Variants in DDHD2 observed in about 807,000 individuals in gnomAD.
DDHD2 encodes triacylglycerol hydrolase DDHD2.
DDHD2 carries 62 observed loss-of-function variants against 91.2 expected under a neutral mutation model. The ratio of observed to expected loss-of-function variants is 0.68; its 90% confidence interval spans 0.55 to 0.84. DDHD2 has a LOEUF of 0.84. Among genes scored for constraint, DDHD2 ranks in the 40% least tolerant of loss-of-function variants. The probability of loss-of-function intolerance (pLI) is 0.00; values close to 1 mark genes in which losing one functional copy is unlikely to be tolerated. For missense variants in DDHD2, 740 were observed against 846.9 expected, an observed-to-expected ratio of 0.87 and a Z score of 1.57; for synonymous variants, 271 against 293.9, an observed-to-expected ratio of 0.92 and a Z score of 0.80.
chr8:38,267,756 G>A, downstream of DDHD2: 1 of 872,616 alleles, frequency 1.1e-6, no homozygotes, highest in Non-Finnish European at 1.8e-6. Context: ...AAGGGAGTAA[G>A]CGTTGAATGA....
At chr8:38,237,179 C>T (rs1804848539) in intron 3 of DDHD2, among the ~76,000 whole-genome samples, 1 of 151,810 alleles carries the variant, frequency 6.6e-6, no homozygotes, top group South Asian at 2.1e-4. Context: ...AGTTTGAGAC[C>T]AGCCTAGCCA....
At chr8:38,237,004 T>C (rs1280587263) in intron 3 of DDHD2, among the ~76,000 whole-genome samples, 1 of 152,146 alleles carries the variant, frequency 6.6e-6, no homozygotes, top group Non-Finnish European at 1.5e-5. Flanking sequence ...TGAACACTAA[T>C]TATCTAGCGT....
At chr8:38,266,493 C>T (rs901408949), downstream of DDHD2, 90 of 553,170 alleles carry the variant, frequency 1.6e-4, no homozygotes, top group Non-Finnish European at 1.8e-4. Flanking sequence ...CTCCACCACC[C>T]GGGTTCAAGC....
At position 38,254,025 on chromosome 8, in the gene DDHD2, A is replaced by C. The variant is rs553555959; in HGVS notation, c.2054+307A>C. Among the ~76,000 whole-genome samples, 4 of 151,930 alleles carry C rather than the reference A, an allele frequency of 2.6e-5. No homozygotes were observed. The South Asian group carries it at 8.3e-4, about 32-fold the overall frequency. ...CAGGAGTTTGAGACCACAGTGAGCCATGATCACACCACTGCACTCTAGCCT... is the reference window on the plus strand; with the variant it reads ...CAGGAGTTTGAGACCACAGTGAGCCCTGATCACACCACTGCACTCTAGCCT... On this transcript the variant is annotated intron_variant, in intron 16 of 17. Transcript: ENST00000397166.
chr8:38,268,626 G>A (rs1353360370), intron 1 of DDHD2: 8 of 1,439,042 alleles, frequency 5.6e-6, no homozygotes, highest in African/African-American at 1.4e-5. Flanking sequence ...AGCAGCGCCC[G>A]TGCGGCTCGG....
At chr8:38,256,641 AT>A (rs1359943530) in intron 16 of DDHD2, among the ~76,000 whole-genome samples, 24 of 152,044 alleles carry the variant, frequency 1.6e-4, no homozygotes, top group Admixed American at 1.6e-3. Context: ...TATCCTTTTT[AT>A]TGCTGAGTAG....
rs777076814 is a variant in DDHD2 at position 38,260,035 on chromosome 8, T to C, written c.2055-5T>C. The C allele has an allele frequency of 5.1e-5, 82 of 1,600,160 alleles. No homozygotes were observed. The highest frequency in any genetic ancestry group is 6.9e-5 in the Non-Finnish European group (80 of 1,167,708). On this transcript the variant is annotated splice_region_variant and splice_polypyrimidine_tract_variant and intron_variant, in intron 16 of 17. Coordinates refer to ENST00000397166, the MANE Select transcript of DDHD2 (RefSeq NM_015214.3). The stretch of plus-strand genomic sequence containing the variant: ...TTTTCTCAACATAATTTTTTCTCTT[T>C]ATAGGGAGTCTGAAGATACAGTATT...
At chr8:38,269,693 CA>C (rs1808364845) in intron 1 of DDHD2, 1 of 156,400 alleles carries the variant, frequency 6.4e-6, no homozygotes. Flanking sequence ...AGAACAAGCC[CA>C]CATATTTAAT....
rs373591192 is a variant in DDHD2, at chr8:38,234,769, A to ATT, written c.411+200_411+201dup. ...CAGGATAAAGTAGTCTTATTTTCAG[A>ATT]TTTTTTTTTTTTTTTTGAGACGGAG... On this transcript the variant is annotated intron_variant, in intron 3 of 17. Coordinates refer to ENST00000397166, the MANE Select transcript of DDHD2 (RefSeq NM_015214.3). Among the ~76,000 whole-genome samples the ATT allele has an allele frequency of 0.018, 2,573 of 142,256 alleles. 30 individuals are homozygous for ATT. The highest frequency in any genetic ancestry group is 0.07 in the Middle Eastern group (19 of 270). The allele number at this position is 142,256 out of a possible 152,430, so 93.3% of individuals were successfully genotyped here.
intron 16 of DDHD2, among the ~76,000 whole-genome samples, chr8:38,259,067 ATTG>A (rs1806758916): frequency 6.6e-6 from 1 of 152,136 alleles, no homozygotes; most frequent in Admixed American, 6.6e-5. Context: ...ACTTTCTTAT[ATTG>A]TTGGAATTTG....
At chr8:38,267,162 T>C, downstream of DDHD2, 1 of 1,595,148 alleles carries the variant, frequency 6.3e-7, no homozygotes, top group East Asian at 2.2e-5. Context: ...ATTTTCCAAA[T>C]TGTAGAAACA....
chr8:38,259,951 T>C (rs1381333356), intron 16 of DDHD2, 89 bp from the exon 17 acceptor site: 1 of 825,880 alleles, frequency 1.2e-6, no homozygotes, highest in East Asian at 2.5e-5. Context: ...ACTTGCAAGA[T>C]GGTTGTATGG....
At chr8:38,245,699 G>A in intron 7 of DDHD2, 43 bp from the exon 8 acceptor site, 7 of 1,522,742 alleles carry the variant, frequency 4.6e-6, no homozygotes, top group South Asian at 1.1e-5. Flanking sequence ...CAGCTATTAA[G>A]TGTATTTAGG....
chr8:38,240,702 T>C (rs915257516), intron 6 of DDHD2, among the ~76,000 whole-genome samples: 2 of 152,230 alleles, frequency 1.3e-5, no homozygotes, highest in Non-Finnish European at 2.9e-5. Flanking sequence ...CATCAATCAT[T>C]TTTGTAATTC....
Position 38,245,876 on chromosome 8 carries a change from A to G in DDHD2, c.983A>G (p.Asn328Ser). The change falls in exon 8 of 18, where the codon AAC (asparagine) becomes AGC (serine). Residue 328 changes from asparagine to serine, a missense_variant. Physicochemically the swap from Asn to Ser is conservative, Grantham distance 46. Around this residue, in one of 2 missense-constraint regions of DDHD2, gnomAD observed 693 missense variants for 764.2 expected, o/e 0.91. Transcript: ENST00000397166. Reference sequence around the variant, plus strand: ...GTGGACACAGTTGCTTCTGAAATGAACCGAATATACACACTTTTTCTACAG... The same window carrying G: ...GTGGACACAGTTGCTTCTGAAATGAGCCGAATATACACACTTTTTCTACAG... ...TIVDTVASEM[N>S]RIYTLFLQRN... The G allele has an allele frequency of 1.2e-6, 2 of 1,614,186 alleles. No homozygotes were observed. Among genetic ancestry groups the G allele is most frequent in the Non-Finnish European group, 8.5e-7 (1 of 1,180,034 alleles).
At chr8:38,264,612 G>T (rs1807299883), downstream of DDHD2, 1 of 1,584,780 alleles carries the variant, frequency 6.3e-7, no homozygotes, top group African/African-American at 1.3e-5. Context: ...CATCTGAAGA[G>T]AGTGGAAACA....
intron 9 of DDHD2, 38 bp from the exon 10 acceptor site, chr8:38,247,675 G>T (rs766778678): frequency 7.4e-7 from 1 of 1,347,966 alleles, no homozygotes; most frequent in Non-Finnish European, 1.0e-6. Flanking sequence ...GAAACTAAAT[G>T]AATTTCAAGA....
chr8:38,235,873 G>GCACACA (rs36055483), intron 3 of DDHD2, among the ~76,000 whole-genome samples: 11,316 of 147,596 alleles, frequency 0.077, 562 homozygotes, highest in African/African-American at 0.13. Context: ...AAGTACACGC[G>GCACACA]CACACACACA....
downstream of DDHD2, chr8:38,267,326 G>C (rs748551084): frequency 6.2e-7 from 1 of 1,613,978 alleles, no homozygotes; most frequent in South Asian, 1.1e-5. Flanking sequence ...CTTATCCCCT[G>C]TACACATCAA....
Sources: gnomAD v4.1 joint callset for allele counts (sites outside exome capture counted in the v4.1 genomes callset) on GRCh38, gnomAD v4.1.1 for gene constraint, gnomAD v4.1.1 regional missense constraint, MANE v1.5 for transcripts, NCBI Gene and HGNC (gene_info 2026-07-23, HGNC 2026-07-21) for gene names.